CPXM2: variants seen among roughly 807,000 people sequenced by gnomAD.
The protein encoded by CPXM2 is carboxypeptidase X, M14 family member 2, also known as inactive carboxypeptidase-like protein X2.
Under a neutral mutation model 86.1 loss-of-function variants are expected in CPXM2, and 66 were observed. That is an observed-to-expected ratio of 0.77 (90% confidence interval 0.63 to 0.94). The LOEUF (loss-of-function observed/expected upper bound fraction) is 0.94, where lower values mean the gene tolerates loss of function less well. CPXM2 is among the 40% of genes least tolerant of loss of function. The pLI is 0.00. For missense variants in CPXM2, 948 were observed against 1,026.3 expected, an observed-to-expected ratio of 0.92 and a Z score of 1.04; for synonymous variants, 388 against 400.2, an observed-to-expected ratio of 0.97 and a Z score of 0.36.
At chr10:123,858,287 G>A (rs188740453) in intron 3 of CPXM2, among the ~76,000 whole-genome samples, 69 of 152,306 alleles carry the variant, frequency 4.5e-4, no homozygotes, top group African/African-American at 1.2e-3. Flanking sequence ...TTGATTCAGC[G>A]CATCCATATG....
chr10:123,802,611 A>T (rs1847485442), intron 4 of CPXM2, among the ~76,000 whole-genome samples: 1 of 152,190 alleles, frequency 6.6e-6, no homozygotes, highest in Non-Finnish European at 1.5e-5. Context: ...TTCTGTGAAC[A>T]TTCCTGCATG....
At chr10:123,804,828 T>C (rs968753824) in intron 4 of CPXM2, among the ~76,000 whole-genome samples, 13 of 152,334 alleles carry the variant, frequency 8.5e-5, no homozygotes, top group African/African-American at 2.9e-4. Flanking sequence ...GGACTTTTTC[T>C]ACTTTTTTTC....
At chr10:123,919,571 G>T (rs982081468) in intron 2 of CPXM2, among the ~76,000 whole-genome samples, 2 of 152,150 alleles carry the variant, frequency 1.3e-5, no homozygotes, top group Non-Finnish European at 2.9e-5. Context: ...CAGTAGGAAA[G>T]AACCAAGTGG....
chr10:123,894,540 C>T (rs1222513483), upstream of CPXM2, among the ~76,000 whole-genome samples: 3 of 152,150 alleles, frequency 2.0e-5, no homozygotes, highest in Non-Finnish European at 2.9e-5. Context: ...TGGTGCTGCC[C>T]GTCCTGGAAA....
chr10:123,807,214 A>T (rs796915642), intron 4 of CPXM2, among the ~76,000 whole-genome samples: 1 of 152,202 alleles, frequency 6.6e-6, no homozygotes, highest in Non-Finnish European at 1.5e-5. Context: ...GACATAATTC[A>T]GATGCTCCCT....
intron 13 of CPXM2, among the ~76,000 whole-genome samples, chr10:123,748,735 G>A (rs149465196): frequency 1.1e-4 from 17 of 152,048 alleles, no homozygotes; most frequent in African/African-American, 4.1e-4. Flanking sequence ...GGAGCACGTC[G>A]ACAGGCTGAA....
At chr10:123,931,724 G>T (rs751705671) in intron 2 of CPXM2, 2 of 152,204 alleles carry the variant, frequency 1.3e-5, no homozygotes, top group Non-Finnish European at 2.9e-5. Flanking sequence ...ATGAATAGAT[G>T]CAGTAATTAT....
intron 10 of CPXM2, among the ~76,000 whole-genome samples, chr10:123,762,695 T>A (rs1216290988): frequency 6.6e-6 from 1 of 152,184 alleles, no homozygotes; most frequent in African/African-American, 2.4e-5. Flanking sequence ...TCTGTATGTT[T>A]GACATCGTTT....
chr10:123,863,129 T>C (rs376191937), intron 2 of CPXM2, among the ~76,000 whole-genome samples: 17 of 152,334 alleles, frequency 1.1e-4, no homozygotes, highest in African/African-American at 3.8e-4. Context: ...AAAAAAAACC[T>C]ATTGTTTTCC....
chr10:123,772,727 C>A (rs1846674488), intron 7 of CPXM2, among the ~76,000 whole-genome samples: 1 of 151,298 alleles, frequency 6.6e-6, no homozygotes, highest in African/African-American at 2.4e-5. Flanking sequence ...GGTTGTGGTT[C>A]TTATCACTCT....
chr10:123,896,916 G>T (rs1313728626), upstream of CPXM2, among the ~76,000 whole-genome samples: 1 of 152,206 alleles, frequency 6.6e-6, no homozygotes, highest in Non-Finnish European at 1.5e-5. Context: ...CTCTGGGCTT[G>T]CCTCTGTATC....
intron 3 of CPXM2, among the ~76,000 whole-genome samples, chr10:123,856,249 CCTGA>C (rs1180588869): frequency 6.6e-6 from 1 of 152,192 alleles, no homozygotes; most frequent in Non-Finnish European, 1.5e-5. Context: ...CACGTCAGAC[CCTGA>C]CTGACTTACT....
intron 2 of CPXM2, among the ~76,000 whole-genome samples, chr10:123,870,835 T>C (rs1225755716): frequency 6.6e-6 from 1 of 152,174 alleles, no homozygotes; most frequent in Non-Finnish European, 1.5e-5. Flanking sequence ...TCCCAGAAAC[T>C]GATCAATAGG....
At chr10:123,775,428 A>G (rs1400480336) in intron 7 of CPXM2, among the ~76,000 whole-genome samples, 1 of 152,248 alleles carries the variant, frequency 6.6e-6, no homozygotes, top group Non-Finnish European at 1.5e-5. Context: ...CATTCAGCCC[A>G]GGCTGGCTTC....
chr10:123,842,365 T>C lies in CPXM2; in HGVS notation c.637A>G (p.Arg213Gly). The change falls in exon 4 of 14, where the codon AGG becomes GGG. Residue 213 changes from arginine to glycine, a missense_variant. Physicochemically the swap from Arg to Gly is moderately radical, Grantham distance 125 (BLOSUM62 -2). Coordinates refer to ENST00000241305, the MANE Select transcript of CPXM2 (RefSeq NM_198148.3). ...TACACTCACAGCCAGAGGGAGTTCC[T>C]CCCTTGAGTGATGACACCAGTGAAT... ...TRFTGVITQG[R>G]NSLWLSDWVT... 1 of 1,614,222 alleles carries C rather than the reference T, an allele frequency of 6.2e-7. No homozygotes were observed. The highest frequency in any genetic ancestry group is 8.5e-7 in the Non-Finnish European group (1 of 1,180,040).
In CPXM2 at chr10:123,799,029, CAA is replaced by C. The variant is rs1847396344; in HGVS notation, c.738+84_738+85del. 5.4e-6 allele frequency: 8 copies of C among 1,483,656 alleles called. No homozygotes were observed. The Admixed American group carries it at 8.4e-5, about 16-fold the overall frequency. 91.9% of individuals were successfully genotyped at this position (1,483,656 alleles called of 1,614,324 possible). A position where few individuals can be genotyped will look rare whatever the true frequency, so the allele number is the denominator to read the frequency against. Reference sequence around the variant, plus strand: ...AGTTGACAGAGAATCCACAAATCTCCAAAGAGTTGATCATACATTGCCTCTCT... The same window carrying C: ...AGTTGACAGAGAATCCACAAATCTCCAGAGTTGATCATACATTGCCTCTCT... On this transcript the variant is annotated intron_variant, in intron 5 of 13. Transcript: ENST00000241305.
rs182276278 is a variant in CPXM2, at chr10:123,928,121, G to A, written n.174+11356C>T. On this transcript the variant is annotated intron_variant and non_coding_transcript_variant, in intron 2 of 19. Transcript: ENST00000368854. The stretch of plus-strand genomic sequence containing the variant: ...GTACTCCTATCAGCCTGCCTTCTGC[G>A]AGACCTTCATAGACCACAGATTCAT... Among the ~76,000 whole-genome samples, 721 of 152,258 alleles carry A rather than the reference G, an allele frequency of 4.7e-3. 3 individuals are homozygous for A. The highest frequency in any genetic ancestry group is 8.4e-3 in the Admixed American group (128 of 15,292).
At chr10:123,881,642 G>A (rs1945094831) in intron 1 of CPXM2, among the ~76,000 whole-genome samples, 1 of 152,228 alleles carries the variant, frequency 6.6e-6, no homozygotes, top group South Asian at 2.1e-4. Context: ...CTGAGAGTGG[G>A]AGATGTAGCC....
intron 4 of CPXM2, among the ~76,000 whole-genome samples, chr10:123,812,691 G>T (rs1159485244): frequency 6.6e-6 from 1 of 152,174 alleles, no homozygotes; most frequent in Non-Finnish European, 1.5e-5. Flanking sequence ...GGTGGCATTA[G>T]GGCATTAGAT....
Sources: gnomAD v4.1 joint callset for allele counts (sites outside exome capture counted in the v4.1 genomes callset) on GRCh38, gnomAD v4.1.1 for gene constraint, MANE v1.5 for transcripts, NCBI Gene and HGNC (gene_info 2026-07-23, HGNC 2026-07-21) for gene names.